Variants in MIPOL1 observed in about 807,000 individuals in gnomAD.
MIPOL1 encodes mirror-image polydactyly gene 1 protein.
In MIPOL1, 57 loss-of-function variants were observed where a neutral mutation model predicts 60.9. The observed-to-expected ratio is 0.94, with a 90% CI of 0.76 to 1.17. The LOEUF is 1.17. Ranked by LOEUF, MIPOL1 falls within the 50% of genes most tolerant of loss-of-function variation. The pLI, the probability that MIPOL1 is intolerant of heterozygous loss-of-function variation, is 0.00. For missense variants in MIPOL1, 551 were observed against 511.6 expected (o/e 1.08, Z -0.74); for synonymous variants, 179 against 168.8 (o/e 1.06, Z -0.47).
intron 1 of MIPOL1, among the ~76,000 whole-genome samples, chr14:37,242,331 A>G (rs2153347326): frequency 6.6e-6 from 1 of 152,010 alleles, no homozygotes; most frequent in Non-Finnish European, 1.5e-5. Context: ...GTAAAAAAAT[A>G]ATGTGCCTAT....
chr14:37,273,032 A>G (rs1015577641), intron 6 of MIPOL1, among the ~76,000 whole-genome samples: 5 of 151,384 alleles, frequency 3.3e-5, no homozygotes, highest in Middle Eastern at 7.0e-3. Flanking sequence ...TATTCATATA[A>G]TATTAGTTGC....
chr14:37,528,187 T>A (rs2095459132), intron 12 of MIPOL1, among the ~76,000 whole-genome samples: 1 of 152,060 alleles, frequency 6.6e-6, no homozygotes, highest in Non-Finnish European at 1.5e-5. Context: ...AACTTGACAT[T>A]TTTACAAAAT....
chr14:37,218,200 A>G (rs1230658497), intron 1 of MIPOL1, among the ~76,000 whole-genome samples: 2 of 151,860 alleles, frequency 1.3e-5, no homozygotes, highest in Non-Finnish European at 2.9e-5. Context: ...TTATTTTTTG[A>G]GACAAAGTCT....
At chr14:37,269,200 A>G (rs1263462325) in intron 5 of MIPOL1, among the ~76,000 whole-genome samples, 2 of 152,030 alleles carry the variant, frequency 1.3e-5, no homozygotes, top group Non-Finnish European at 2.9e-5. Flanking sequence ...TAATACATGT[A>G]ATTAAACATT....
At chr14:37,250,825 T>C (rs1486255213) in intron 3 of MIPOL1, among the ~76,000 whole-genome samples, 1 of 152,172 alleles carries the variant, frequency 6.6e-6, no homozygotes, top group East Asian at 1.9e-4. Context: ...TGCCTTTATT[T>C]CATCTTACAA....
chr14:37,267,175 T>C lies in MIPOL1; in HGVS notation c.251+6T>C. The C allele has an allele frequency of 1.9e-6, 3 of 1,601,338 alleles. No homozygotes were observed. Among genetic ancestry groups the C allele is most frequent in the Non-Finnish European group, 1.7e-6 (2 of 1,169,388 alleles). On this transcript the variant is annotated splice_donor_region_variant and intron_variant, in intron 4 of 12. Coordinates refer to ENST00000684589, the MANE Select transcript of MIPOL1 (RefSeq NM_001388067.1). ...TGCACTACTGAAAAATACAAGTAAG[T>C]GCTCACAGCCTTAGATTTAGAAGGA...
intron 11 of MIPOL1, among the ~76,000 whole-genome samples, chr14:37,481,560 A>AACACAC (rs3062719): frequency 0.092 from 10,383 of 113,044 alleles, 728 homozygotes; most frequent in East Asian, 0.11. Flanking sequence ...GACCCCCCCC[A>AACACAC]ACACACACAC....
chr14:37,542,473 T>C (rs1309863715), intron 12 of MIPOL1, among the ~76,000 whole-genome samples: 3 of 152,182 alleles, frequency 2.0e-5, no homozygotes, highest in African/African-American at 4.8e-5. Flanking sequence ...TAACCTCTTA[T>C]TTTGTTGTTC....
At chr14:37,403,834 T>C (rs2093537899) in intron 10 of MIPOL1, among the ~76,000 whole-genome samples, 1 of 152,120 alleles carries the variant, frequency 6.6e-6, no homozygotes, top group Non-Finnish European at 1.5e-5. Context: ...AACAGGGACA[T>C]GAGGAAGGTT....
intron 6 of MIPOL1, among the ~76,000 whole-genome samples, chr14:37,274,576 C>T (rs74047271): frequency 0.019 from 2,816 of 151,380 alleles, 76 homozygotes; most frequent in African/African-American, 0.063. Flanking sequence ...GGATCTCAGG[C>T]ATTTTTTTGC....
chr14:37,209,474 C>T (rs576743266), intron 1 of MIPOL1, among the ~76,000 whole-genome samples: 1 of 152,172 alleles, frequency 6.6e-6, no homozygotes, highest in Non-Finnish European at 1.5e-5. Flanking sequence ...GCCTGGCCAA[C>T]ATGGTGAAAC....
At chr14:37,386,097 G>A (rs1280850693) in intron 10 of MIPOL1, among the ~76,000 whole-genome samples, 1 of 151,984 alleles carries the variant, frequency 6.6e-6, no homozygotes, top group Non-Finnish European at 1.5e-5. Context: ...CTCTTAGCTG[G>A]TCATTGTTTC....
At chr14:37,446,444 G>T (rs1439996209) in intron 11 of MIPOL1, among the ~76,000 whole-genome samples, 3 of 152,130 alleles carry the variant, frequency 2.0e-5, no homozygotes, top group African/African-American at 7.2e-5. Context: ...GAGAGGATGT[G>T]GAGAAATAGG....
chr14:37,303,726 A>G (rs561575921), intron 7 of MIPOL1, among the ~76,000 whole-genome samples: 45 of 151,976 alleles, frequency 3.0e-4, no homozygotes, highest in African/African-American at 9.4e-4. Context: ...TTTATTGACT[A>G]TACTGTGTCA....
chr14:37,477,146 C>T (rs2094789241), intron 11 of MIPOL1, among the ~76,000 whole-genome samples: 1 of 151,990 alleles, frequency 6.6e-6, no homozygotes. Flanking sequence ...GTTATCCACC[C>T]ACCTTGGCCT....
At chr14:37,295,613 A>G (rs2085572398) in intron 7 of MIPOL1, among the ~76,000 whole-genome samples, 1 of 152,166 alleles carries the variant, frequency 6.6e-6, no homozygotes, top group African/African-American at 2.4e-5. Context: ...AGGAAGATCT[A>G]CCAAGCAAAT....
chr14:37,487,431 C>T (rs940759097), intron 11 of MIPOL1, among the ~76,000 whole-genome samples: 2 of 152,072 alleles, frequency 1.3e-5, no homozygotes, highest in African/African-American at 4.8e-5. Context: ...CTTCTTTGTA[C>T]CTCTGGGAGA....
intron 9 of MIPOL1, among the ~76,000 whole-genome samples, chr14:37,348,959 C>T (rs901981857): frequency 1.2e-4 from 17 of 139,992 alleles, no homozygotes; most frequent in Admixed American, 2.2e-4. Flanking sequence ...CTCGTACAGG[C>T]GGTGCCACCA....
At chr14:37,305,675 C>T (rs910061838) in intron 7 of MIPOL1, among the ~76,000 whole-genome samples, 2 of 151,808 alleles carry the variant, frequency 1.3e-5, no homozygotes, top group Non-Finnish European at 2.9e-5. Context: ...ATACAAGTAT[C>T]AACTTTTTCT....
Sources: gnomAD v4.1 joint callset for allele counts (sites outside exome capture counted in the v4.1 genomes callset) on GRCh38, gnomAD v4.1.1 for gene constraint, MANE v1.5 for transcripts, NCBI Gene and HGNC (gene_info 2026-07-23, HGNC 2026-07-21) for gene names.